The following CTTNBP2NL variants were observed in gnomAD, a reference collection of about 807,000 sequenced individuals.
CTTNBP2NL encodes the protein CTTNBP2 N-terminal-like protein.
A neutral mutation model predicts 32.5 loss-of-function variants in CTTNBP2NL; 16 were observed. That is an observed-to-expected ratio of 0.49 (90% confidence interval 0.33 to 0.75). The LOEUF is 0.75. Ranked by LOEUF, CTTNBP2NL falls within the 30% of genes least tolerant of loss-of-function variation. CTTNBP2NL has a pLI of 0.02. For synonymous variants in CTTNBP2NL, 298 were observed against 289.4 expected, an observed-to-expected ratio of 1.03 and a Z score of -0.30; for missense variants, 645 against 756.0, an observed-to-expected ratio of 0.85 and a Z score of 1.72.
At chr1:112,454,126 T>C (rs1650300785) in intron 4 of CTTNBP2NL, among the ~76,000 whole-genome samples, 1 of 152,202 alleles carries the variant, frequency 6.6e-6, no homozygotes, top group African/African-American at 2.4e-5. Flanking sequence ...AACACCAAAC[T>C]GCCTGCAGTT....
intron 4 of CTTNBP2NL, among the ~76,000 whole-genome samples, chr1:112,449,905 T>TAGAGGAAAGCAGAGGA (rs1318781443): frequency 6.6e-6 from 1 of 152,222 alleles, no homozygotes; most frequent in Non-Finnish European, 1.5e-5. Flanking sequence ...TGCTTTCCTC[T>TAGAGGAAAGCAGAGGA]GCTTCATCTT....
In CTTNBP2NL at chr1:112,457,649, A is replaced by G. The variant is rs952295713; in HGVS notation, c.*237A>G. ...GGCACCTCAAAGATGTCTCAAGCTC[A>G]GCAGTCACCGTCATGTTGTGATGAA... On this transcript the variant is annotated 3_prime_UTR_variant, in exon 6 of 6. Coordinates refer to ENST00000271277, the MANE Select transcript of CTTNBP2NL (RefSeq NM_018704.3). 15 of 452,608 alleles carry G rather than the reference A, an allele frequency of 3.3e-5. No individual in the cohort carries two copies. The highest frequency in any genetic ancestry group is 3.0e-4 in the African/African-American group (15 of 50,592). 28.0% of individuals were successfully genotyped at this position (452,608 alleles called of 1,614,324 possible).
chr1:112,412,505 C>T (rs137977340), intron 2 of CTTNBP2NL, among the ~76,000 whole-genome samples, 188 bp downstream of exon 2: 3 of 151,228 alleles, frequency 2.0e-5, no homozygotes, highest in African/African-American at 4.9e-5. Context: ...TTGGAATATG[C>T]AAAAACAGAT....
intron 3 of CTTNBP2NL, among the ~76,000 whole-genome samples, chr1:112,441,276 A>G (rs965320188): frequency 1.3e-5 from 2 of 152,072 alleles, no homozygotes; most frequent in Non-Finnish European, 2.9e-5. Flanking sequence ...TTATTCCACA[A>G]CTTCATCTAA....
At chr1:112,419,495 T>C (rs552836743) in intron 3 of CTTNBP2NL, among the ~76,000 whole-genome samples, 3 of 152,216 alleles carry the variant, frequency 2.0e-5, no homozygotes, top group African/African-American at 7.2e-5. Context: ...CATATAGTGG[T>C]TAGTACTCTG....
intron 3 of CTTNBP2NL, among the ~76,000 whole-genome samples, chr1:112,436,046 A>AT (rs374188144): frequency 0.53 from 66,234 of 124,850 alleles, 17,794 homozygotes; most frequent in South Asian, 0.7. Flanking sequence ...TTCTCCTGTG[A>AT]TTTTTTTTTT....
chr1:112,413,864 A>G (rs368227218), intron 2 of CTTNBP2NL, among the ~76,000 whole-genome samples: 192 of 152,014 alleles, frequency 1.3e-3, no homozygotes, highest in Middle Eastern at 3.4e-3. Context: ...CTTGGCCAAC[A>G]TGGTAAAACC....
intron 2 of CTTNBP2NL, 39 bp from the exon 3 acceptor site, chr1:112,416,116 CTA>C (rs1368691598): frequency 9.9e-7 from 1 of 1,014,014 alleles, no homozygotes; most frequent in East Asian, 2.4e-5. Context: ...ATCAAATTAA[CTA>C]TGTCTTTGGA....
chr1:112,457,127 C>T lies in CTTNBP2NL; in HGVS notation c.1635C>T (p.Asp545=). ...NLANTANPRG[D]TSHSPTPGKV... ...CCAACACTGCCAATCCAAGAGGTGA[C>T]ACAAGCCATTCACCTACTCCAGGGA... The change falls in exon 6 of 6, where the codon GAC becomes GAT. Residue 545 remains aspartate, a synonymous_variant. Transcript: ENST00000271277. 1 of 1,614,156 alleles carries T rather than the reference C, an allele frequency of 6.2e-7. No individual in the cohort carries two copies. The highest frequency in any genetic ancestry group is 8.5e-7 in the Non-Finnish European group (1 of 1,180,026).
At chr1:112,420,171 A>G (rs1649183176) in intron 3 of CTTNBP2NL, among the ~76,000 whole-genome samples, 1 of 146,892 alleles carries the variant, frequency 6.8e-6, no homozygotes, top group African/African-American at 2.5e-5. Context: ...TTTGAGATGA[A>G]GTCTCGCTCT....
intron 3 of CTTNBP2NL, among the ~76,000 whole-genome samples, chr1:112,416,836 G>A (rs533932191): frequency 5.9e-5 from 9 of 152,084 alleles, no homozygotes; most frequent in East Asian, 3.9e-4. Context: ...GTTTTTGAAC[G>A]CTGACCCCTT....
At position 112,457,600 on chromosome 1, in the gene CTTNBP2NL, A is replaced by G. The variant is rs975305178; in HGVS notation, c.*188A>G. On this transcript the variant is annotated 3_prime_UTR_variant, in exon 6 of 6. Coordinates refer to ENST00000271277, the MANE Select transcript of CTTNBP2NL (RefSeq NM_018704.3). ...TGAGTAGTTTGGATTTTTATGGCTC[A>G]CATCTTTTTACTGAAGCCAGAAAGG... is the stretch of plus-strand genomic sequence containing the variant. The G allele has an allele frequency of 1.8e-6, 1 of 547,302 alleles. No individual in the cohort carries two copies. Among genetic ancestry groups the G allele is most frequent in the African/African-American group, 1.9e-5 (1 of 52,538 alleles). 33.9% of individuals were successfully genotyped at this position (547,302 alleles called of 1,614,324 possible).
intron 2 of CTTNBP2NL, among the ~76,000 whole-genome samples, chr1:112,413,172 T>C (rs1251672666): frequency 6.6e-6 from 1 of 152,238 alleles, no homozygotes; most frequent in Non-Finnish European, 1.5e-5. Context: ...TCGAACACTT[T>C]AAGTACAATA....
At chr1:112,422,067 C>T (rs1649248550) in intron 3 of CTTNBP2NL, among the ~76,000 whole-genome samples, 1 of 152,090 alleles carries the variant, frequency 6.6e-6, no homozygotes, top group Admixed American at 6.6e-5. Context: ...TTATCACAAT[C>T]AAGATAACAA....
upstream of CTTNBP2NL, among the ~76,000 whole-genome samples, chr1:112,392,497 T>C (rs910743875): frequency 7.2e-5 from 11 of 152,282 alleles, no homozygotes; most frequent in African/African-American, 2.2e-4. Context: ...CTTTGCCAAG[T>C]AGGTTTGTGT....
At chr1:112,446,399 T>TA (rs928172655) in intron 3 of CTTNBP2NL, among the ~76,000 whole-genome samples, 5 of 152,098 alleles carry the variant, frequency 3.3e-5, no homozygotes, top group African/African-American at 9.7e-5. Flanking sequence ...AAAAATTTGA[T>TA]ACTTTCAGTG....
intron 1 of CTTNBP2NL, among the ~76,000 whole-genome samples, chr1:112,398,576 A>C (rs905157493): frequency 2.6e-5 from 4 of 152,142 alleles, no homozygotes; most frequent in Admixed American, 6.6e-5. Flanking sequence ...GTCTTCATTT[A>C]ACTTGATTTT....
chr1:112,446,700 G>A (rs1196348622), intron 3 of CTTNBP2NL, among the ~76,000 whole-genome samples: 1 of 152,114 alleles, frequency 6.6e-6, no homozygotes, highest in East Asian at 1.9e-4. Flanking sequence ...ACAGGCACAT[G>A]CCGTCATGCC....
chr1:112,422,831 T>G (rs1027473029), intron 3 of CTTNBP2NL, among the ~76,000 whole-genome samples: 4 of 152,176 alleles, frequency 2.6e-5, no homozygotes, highest in African/African-American at 9.7e-5. Flanking sequence ...CTCACTTTGT[T>G]GCCCAAGCTG....
Sources: allele counts gnomAD v4.1 joint callset (sites outside exome capture counted in the v4.1 genomes callset), GRCh38; gene constraint gnomAD v4.1.1; transcripts MANE v1.5; gene names NCBI Gene and HGNC (gene_info 2026-07-23, HGNC 2026-07-21).